Variants in ECE1 observed in about 807,000 individuals in gnomAD.
ECE1 encodes the protein endothelin converting enzyme 1, also known as endothelin-converting enzyme 1.
Under a neutral mutation model 98.6 loss-of-function variants are expected in ECE1, and 35 were observed. The observed-to-expected ratio is 0.35, with a 90% CI of 0.27 to 0.47. The LOEUF (loss-of-function observed/expected upper bound fraction) is 0.47, where lower values mean the gene tolerates loss of function less well. ECE1 is among the 20% of genes least tolerant of loss of function. The pLI is 1.00. For synonymous variants in ECE1, 394 were observed against 407.1 expected (o/e 0.97, Z 0.39); for missense variants, 814 against 1,025.3 (o/e 0.79, Z 2.81).
At chr1:21,324,744 C>T (rs1344192345) in intron 1 of ECE1, among the ~76,000 whole-genome samples, 1 of 152,218 alleles carries the variant, frequency 6.6e-6, no homozygotes, top group African/African-American at 2.4e-5. Flanking sequence ...CCCAGGAAGC[C>T]AGGGACAAAT....
At chr1:21,232,079 T>A (rs1558371314) in intron 14 of ECE1, among the ~76,000 whole-genome samples, 1 of 152,228 alleles carries the variant, frequency 6.6e-6, no homozygotes, top group Non-Finnish European at 1.5e-5. Context: ...CACCTTCTTG[T>A]ACATAGCGGG....
intron 10 of ECE1, among the ~76,000 whole-genome samples, chr1:21,244,363 C>T (rs572826114): frequency 3.4e-4 from 52 of 152,332 alleles, no homozygotes; most frequent in Non-Finnish European, 5.9e-5. Flanking sequence ...TAGAGCCTGG[C>T]ACGCGATGGC....
chr1:21,264,549 A>G (rs1453343617), intron 4 of ECE1, among the ~76,000 whole-genome samples: 2 of 152,138 alleles, frequency 1.3e-5, no homozygotes, highest in Non-Finnish European at 2.9e-5. Context: ...TCCTGACCTC[A>G]GGTGGTCTGC....
intron 1 of ECE1, among the ~76,000 whole-genome samples, chr1:21,304,748 A>G (rs1638560710): frequency 6.6e-6 from 1 of 152,176 alleles, no homozygotes; most frequent in Non-Finnish European, 1.5e-5. Flanking sequence ...ACAGGTGTCT[A>G]CATTTGTCAA....
intron 2 of ECE1, among the ~76,000 whole-genome samples, chr1:21,280,705 C>T (rs1204826605): frequency 1.3e-5 from 2 of 152,144 alleles, no homozygotes; most frequent in African/African-American, 2.4e-5. Context: ...CCCCTGGTGC[C>T]GGGTCAGAGC....
intron 5 of ECE1, among the ~76,000 whole-genome samples, chr1:21,259,588 C>A (rs1443132194): frequency 6.6e-6 from 1 of 152,034 alleles, no homozygotes; most frequent in Non-Finnish European, 1.5e-5. Flanking sequence ...GGGACCTGTC[C>A]AGAGAGGAGG....
chr1:21,333,032 CT>C (rs1639236395), intron 1 of ECE1, among the ~76,000 whole-genome samples: 1 of 152,142 alleles, frequency 6.6e-6, no homozygotes, highest in African/African-American at 2.4e-5. Flanking sequence ...CTGGGAGGGA[CT>C]TATCCTCACT....
chr1:21,228,429 A>G (rs2098177295), intron 14 of ECE1, among the ~76,000 whole-genome samples: 1 of 152,160 alleles, frequency 6.6e-6, no homozygotes, highest in South Asian at 2.1e-4. Flanking sequence ...GAATCAGTTA[A>G]TTAATGATGT....
In ECE1 at chr1:21,327,547, G is replaced by A. The variant is rs907491965; in HGVS notation, c.3+17829C>T. Among the ~76,000 whole-genome samples, 5 of 152,052 alleles carry A rather than the reference G, an allele frequency of 3.3e-5. No homozygotes were observed. Among genetic ancestry groups the A allele is most frequent in the Non-Finnish European group, 5.9e-5 (4 of 68,008 alleles). ...CCCTGCTGACACCCCTTCGAGAACC[G>A]GGAGACCTCCACCCTGCTTGTTACA... On this transcript the variant is annotated intron_variant, in intron 1 of 18. Coordinates refer to the ECE1 transcript ENST00000415912. This position sits in a 1 kb window ranked among gnomAD's most constrained non-coding sequence, Gnocchi z 4.6.
chr1:21,334,343 T>C (rs1350111146), intron 1 of ECE1, among the ~76,000 whole-genome samples: 1 of 152,112 alleles, frequency 6.6e-6, no homozygotes, highest in African/African-American at 2.4e-5. Flanking sequence ...GGATGCCGAG[T>C]AACCACCCAC....
At chr1:21,273,295 G>A (rs867537434) in intron 3 of ECE1, among the ~76,000 whole-genome samples, 3 of 152,108 alleles carry the variant, frequency 2.0e-5, no homozygotes, top group South Asian at 4.1e-4. Context: ...TATGGAGTGC[G>A]TGTGTGTGCA....
chr1:21,248,209 T>C (rs1327886988), intron 8 of ECE1, among the ~76,000 whole-genome samples: 1 of 152,024 alleles, frequency 6.6e-6, no homozygotes, highest in Admixed American at 6.6e-5. Context: ...CTCACTCTCT[T>C]GTCCAGGCTG....
At position 21,225,243 on chromosome 1, in the gene ECE1, C is replaced by G. The variant is rs568901180; in HGVS notation, c.2040+7G>C. On this transcript the variant is annotated splice_region_variant and intron_variant, in intron 17 of 18. Coordinates refer to ENST00000374893, the MANE Select transcript of ECE1 (RefSeq NM_001397.3). The surrounding 1 kb of genome is among the most constrained non-coding windows in gnomAD (Gnocchi z 5.3). ...GACCGTGCGCGTGTGGGGAGCGGGG[C>G]TCTCACCCGATAGGCCGCCTTGAGA... 2.0e-5 allele frequency: 33 copies of G among 1,613,922 alleles called. No homozygotes were observed. In the South Asian group the frequency reaches 3.1e-4, roughly 15 times the overall value.
At chr1:21,281,474 C>T (rs767908789) in intron 2 of ECE1, among the ~76,000 whole-genome samples, 5 of 152,174 alleles carry the variant, frequency 3.3e-5, no homozygotes, top group Non-Finnish European at 7.3e-5. Flanking sequence ...TTATAAAGTG[C>T]TTTTTCAGAG....
intron 1 of ECE1, among the ~76,000 whole-genome samples, chr1:21,330,619 C>A (rs1370367762): frequency 6.6e-6 from 1 of 152,176 alleles, no homozygotes; most frequent in Admixed American, 6.5e-5. Flanking sequence ...ACAGACACTG[C>A]CATGCCTGGC....
chr1:21,259,834 C>T (rs559381580), intron 5 of ECE1, among the ~76,000 whole-genome samples: 7 of 152,222 alleles, frequency 4.6e-5, no homozygotes, highest in Non-Finnish European at 7.4e-5. Context: ...TCCCTGCTCA[C>T]GGGGAGGGCT....
intron 4 of ECE1, among the ~76,000 whole-genome samples, chr1:21,262,986 G>C (rs974162370): frequency 6.6e-6 from 1 of 152,220 alleles, no homozygotes; most frequent in African/African-American, 2.4e-5. Flanking sequence ...GGCAGCCAAG[G>C]ACTCGCGGGA....
At chr1:21,248,929 G>A (rs1242309613) in intron 8 of ECE1, among the ~76,000 whole-genome samples, 1 of 152,060 alleles carries the variant, frequency 6.6e-6, no homozygotes, top group Non-Finnish European at 1.5e-5. Flanking sequence ...CCTGGCCAGA[G>A]CTCCCTGTCT....
Position 21,243,188 on chromosome 1 carries a change from A to G in ECE1, c.1278+1801T>C, listed in dbSNP as rs530855698. Among the ~76,000 whole-genome samples the G allele has an allele frequency of 7.9e-5, 12 of 152,168 alleles. No individual in the cohort carries two copies. In the South Asian group the frequency reaches 2.5e-3, roughly 32 times the overall value. On this transcript the variant is annotated intron_variant, in intron 10 of 18. Transcript: ENST00000374893. Reference sequence around the variant, plus strand: ...AGTCCCTTTCCCTCACTGAGCCTCGATTTCATCATCTGTAAAATGGAAGAG... The same window carrying G: ...AGTCCCTTTCCCTCACTGAGCCTCGGTTTCATCATCTGTAAAATGGAAGAG...
Sources: gnomAD v4.1 joint callset for allele counts (sites outside exome capture counted in the v4.1 genomes callset) on GRCh38, gnomAD v4.1.1 for gene constraint, Gnocchi (gnomAD v3.1) non-coding constraint, MANE v1.5 for transcripts, NCBI Gene and HGNC (gene_info 2026-07-23, HGNC 2026-07-21) for gene names.